FBN2: variants seen among roughly 807,000 people sequenced by gnomAD.
FBN2 encodes the protein fibrillin-2.
In FBN2, 105 loss-of-function variants were observed where a neutral mutation model predicts 355.6. The ratio of observed to expected loss-of-function variants is 0.30; its 90% CI spans 0.25 to 0.35. FBN2 has a LOEUF of 0.35. Ranked by LOEUF, FBN2 falls within the 10% of genes least tolerant of loss-of-function variation. FBN2 has a pLI of 1.00. For synonymous variants in FBN2, 1,350 were observed against 1,301.2 expected (o/e 1.04, Z -0.81); for missense variants, 3,280 against 3,758.7 (o/e 0.87, Z 3.33).
chr5:128,402,196 G>C (rs1752815131), intron 8 of FBN2, among the ~76,000 whole-genome samples: 1 of 152,088 alleles, frequency 6.6e-6, no homozygotes, highest in African/African-American at 2.4e-5. Flanking sequence ...AGAGGCACCT[G>C]TTAGAAACAA....
At chr5:128,364,524 G>T in intron 18 of FBN2, 76 bp downstream of exon 18, 2 of 1,424,452 alleles carry the variant, frequency 1.4e-6, no homozygotes, top group Non-Finnish European at 9.8e-7. Context: ...TTAGTCATTT[G>T]TGTTTTTAAT....
In FBN2 at chr5:128,309,399, T is replaced by C; in HGVS notation, c.5201A>G (p.Asp1734Gly). 1 of 1,613,564 alleles carries C rather than the reference T, an allele frequency of 6.2e-7. No homozygotes were observed. The highest frequency in any genetic ancestry group is 1.1e-5 in the South Asian group (1 of 91,072). The change falls in exon 41 of 65, where the codon GAC becomes GGC. Residue 1734 changes from aspartate to glycine, a missense_variant and splice_region_variant. Asp to Gly is a moderately conservative substitution (Grantham distance 94). Coordinates refer to ENST00000262464, the MANE Select transcript of FBN2 (RefSeq NM_001999.4). ...TCGGTAGCAAAAGCTTTTTCTCATG[T>C]CTATATAAAGAAAAACAAAGAAACT... ...MQVNGGHNCMDMRKSFCYRSY... is the reference protein window; with the variant it reads ...MQVNGGHNCMGMRKSFCYRSY...
intron 45 of FBN2, among the ~76,000 whole-genome samples, chr5:128,303,594 A>AT (rs1424123613): frequency 6.6e-6 from 1 of 152,196 alleles, no homozygotes; most frequent in Non-Finnish European, 1.5e-5. Flanking sequence ...AAAAAACTGA[A>AT]TTAAGAAAAT....
chr5:128,444,967 A>G (rs750775687), intron 7 of FBN2, among the ~76,000 whole-genome samples: 11 of 152,226 alleles, frequency 7.2e-5, no homozygotes, highest in Non-Finnish European at 1.2e-4. Flanking sequence ...AACACAATCA[A>G]CTTACAAAAA....
chr5:128,499,965 T>C (rs1270837400), intron 5 of FBN2, among the ~76,000 whole-genome samples: 3 of 152,166 alleles, frequency 2.0e-5, no homozygotes, highest in Non-Finnish European at 2.9e-5. Flanking sequence ...CAGTCTTTAA[T>C]TCGCAGAAGA....
At chr5:128,437,732 G>A (rs1753805332) in intron 7 of FBN2, among the ~76,000 whole-genome samples, 1 of 151,856 alleles carries the variant, frequency 6.6e-6, no homozygotes, top group Non-Finnish European at 1.5e-5. Context: ...TATAGAGAGA[G>A]TAGTCTAGAT....
At chr5:128,316,288 G>A (rs1238591467) in intron 36 of FBN2, among the ~76,000 whole-genome samples, 2 of 152,026 alleles carry the variant, frequency 1.3e-5, no homozygotes, top group Non-Finnish European at 2.9e-5. Flanking sequence ...TGTATCCATT[G>A]GACATAATGT....
At chr5:128,458,593 A>G (rs571254821) in intron 6 of FBN2, among the ~76,000 whole-genome samples, 29 of 152,158 alleles carry the variant, frequency 1.9e-4, no homozygotes, top group African/African-American at 7.0e-4. Flanking sequence ...TGAAATCATA[A>G]CAGTCTCTCA....
intron 40 of FBN2, 30 bp downstream of exon 40, chr5:128,309,953 C>G: frequency 6.2e-7 from 1 of 1,611,206 alleles, no homozygotes; most frequent in Non-Finnish European, 8.5e-7. Flanking sequence ...AACAACTGTG[C>G]TCTAATTAAT....
At chr5:128,504,726 T>A (rs1276615191) in intron 5 of FBN2, among the ~76,000 whole-genome samples, 1 of 152,226 alleles carries the variant, frequency 6.6e-6, no homozygotes, top group African/African-American at 2.4e-5. Context: ...GGGACTTGCC[T>A]TGTCTCAGAT....
intron 5 of FBN2, among the ~76,000 whole-genome samples, chr5:128,516,421 A>T (rs1241598968): frequency 2.6e-5 from 4 of 151,174 alleles, no homozygotes; most frequent in Admixed American, 2.0e-4. Flanking sequence ...TGTACATATC[A>T]GCAAGTGTGA....
intron 53 of FBN2, among the ~76,000 whole-genome samples, chr5:128,287,851 G>A (rs1366742580): frequency 6.6e-6 from 1 of 152,074 alleles, no homozygotes; most frequent in African/African-American, 2.4e-5. Flanking sequence ...CTAAAGAAAG[G>A]GAACCCAGGA....
At chr5:128,395,729 C>T (rs1752633024) in intron 8 of FBN2, among the ~76,000 whole-genome samples, 1 of 152,164 alleles carries the variant, frequency 6.6e-6, no homozygotes, top group East Asian at 1.9e-4. Context: ...AGAGCAGCTT[C>T]TGAGGAAGAA....
intron 4 of FBN2, among the ~76,000 whole-genome samples, chr5:128,520,741 T>C (rs1756410104): frequency 6.6e-6 from 1 of 152,108 alleles, no homozygotes; most frequent in African/African-American, 2.4e-5. Flanking sequence ...TCAGAGGCAT[T>C]TGTTGATAAG....
At chr5:128,370,729 G>T (rs1751912558) in intron 15 of FBN2, among the ~76,000 whole-genome samples, 1 of 152,032 alleles carries the variant, frequency 6.6e-6, no homozygotes, top group East Asian at 1.9e-4. Context: ...TAGAGCATAT[G>T]CCATGCAGAA....
intron 5 of FBN2, among the ~76,000 whole-genome samples, chr5:128,481,548 T>C (rs937804782): frequency 5.9e-5 from 9 of 152,148 alleles, no homozygotes; most frequent in Non-Finnish European, 1.3e-4. Flanking sequence ...AAACCCCAGT[T>C]GAGTGTCCAC....
At chr5:128,384,599 C>CAGT (rs1752318727) in intron 11 of FBN2, among the ~76,000 whole-genome samples, 2 of 152,046 alleles carry the variant, frequency 1.3e-5, no homozygotes, top group Admixed American at 1.3e-4. Context: ...GTTGTGAACT[C>CAGT]TGTGGCTGTT....
chr5:128,532,929 A>G (rs2112805000), intron 2 of FBN2, among the ~76,000 whole-genome samples: 1 of 152,254 alleles, frequency 6.6e-6, no homozygotes, highest in South Asian at 2.1e-4. Context: ...AGTCCCAGCT[A>G]CTCAGGAGGC....
At chr5:128,284,201 T>A (rs1489002760) in intron 55 of FBN2, among the ~76,000 whole-genome samples, 1 of 152,198 alleles carries the variant, frequency 6.6e-6, no homozygotes, top group African/African-American at 2.4e-5. Flanking sequence ...AAGGGTTTCA[T>A]GTGAATTTTT....
Sources: allele counts gnomAD v4.1 joint callset (sites outside exome capture counted in the v4.1 genomes callset), GRCh38; gene constraint gnomAD v4.1.1; transcripts MANE v1.5; gene names NCBI Gene and HGNC (gene_info 2026-07-23, HGNC 2026-07-21).